Variants in CDH13 observed in about 807,000 individuals in gnomAD.
CDH13 encodes cadherin 13.
A neutral mutation model predicts 63.8 loss-of-function variants in CDH13; 24 were observed. The ratio of observed to expected loss-of-function variants is 0.38; its 90% CI spans 0.27 to 0.53. The LOEUF is 0.53. Among genes scored for constraint, CDH13 ranks in the 20% least tolerant of loss-of-function variants. CDH13 has a pLI of 0.85. For synonymous variants in CDH13, 503 were observed against 355.3 expected (o/e 1.42, Z -4.67); for missense variants, 1,049 against 903.1 (o/e 1.16, Z -2.07).
At chr16:83,128,447 C>G (rs1057499852) in intron 4 of CDH13, among the ~76,000 whole-genome samples, 13 of 152,214 alleles carry the variant, frequency 8.5e-5, no homozygotes, top group African/African-American at 2.9e-4. Flanking sequence ...CTCAAATTTA[C>G]AGAGGGCTGA....
chr16:82,864,324 G>T (rs901821139), intron 2 of CDH13, among the ~76,000 whole-genome samples: 5 of 152,154 alleles, frequency 3.3e-5, no homozygotes, highest in Admixed American at 3.3e-4. Flanking sequence ...ATGTTAGGAG[G>T]TGTATTAGCC....
chr16:82,940,726 G>A (rs927495437), intron 2 of CDH13, among the ~76,000 whole-genome samples: 2 of 152,112 alleles, frequency 1.3e-5, no homozygotes, highest in East Asian at 3.9e-4. Context: ...TGCTGTGTTG[G>A]CAGGCACATA....
At chr16:83,598,860 A>G (rs1396460373) in intron 7 of CDH13, among the ~76,000 whole-genome samples, 1 of 152,174 alleles carries the variant, frequency 6.6e-6, no homozygotes, top group Admixed American at 6.5e-5. Context: ...ACCACCTCCA[A>G]GTTTAACAGA....
At chr16:83,405,382 A>T (rs545764679) in intron 6 of CDH13, among the ~76,000 whole-genome samples, 6 of 152,312 alleles carry the variant, frequency 3.9e-5, no homozygotes, top group Admixed American at 3.9e-4. Flanking sequence ...AGTTAGTCTG[A>T]TACGCCCAAT....
chr16:82,873,302 A>G (rs1359613241), intron 2 of CDH13, among the ~76,000 whole-genome samples: 1 of 152,194 alleles, frequency 6.6e-6, no homozygotes, highest in African/African-American at 2.4e-5. Flanking sequence ...TATAAACTCT[A>G]TGTTATAGAT....
At chr16:82,703,285 C>T (rs1323388762) in intron 1 of CDH13, among the ~76,000 whole-genome samples, 1 of 151,998 alleles carries the variant, frequency 6.6e-6, no homozygotes, top group Non-Finnish European at 1.5e-5. Context: ...CTCTCAGTGC[C>T]CTACTTATGT....
chr16:82,884,758 C>G (rs1036532690), intron 2 of CDH13, among the ~76,000 whole-genome samples: 18 of 152,288 alleles, frequency 1.2e-4, no homozygotes, highest in African/African-American at 4.1e-4. Flanking sequence ...ACTTTGTTTT[C>G]TCAGATTTTT....
chr16:82,670,221 C>G (rs781540572), intron 1 of CDH13, among the ~76,000 whole-genome samples: 32 of 152,214 alleles, frequency 2.1e-4, no homozygotes, highest in Non-Finnish European at 1.8e-4. Flanking sequence ...TGATGTCATG[C>G]TGAATTGCAA....
At chr16:83,700,547 T>A (rs1019911354) in intron 10 of CDH13, among the ~76,000 whole-genome samples, 1 of 152,214 alleles carries the variant, frequency 6.6e-6, no homozygotes, top group Admixed American at 6.5e-5. Flanking sequence ...TGGGGAATGA[T>A]CAGAGAATGG....
chr16:83,632,938 T>C (rs941572020), intron 8 of CDH13, among the ~76,000 whole-genome samples: 3 of 151,590 alleles, frequency 2.0e-5, no homozygotes, highest in Non-Finnish European at 4.4e-5. Context: ...TTTTAGACCA[T>C]ATAGGTAACT....
intron 10 of CDH13, among the ~76,000 whole-genome samples, chr16:83,732,559 T>C (rs1193861565): frequency 6.6e-6 from 1 of 152,190 alleles, no homozygotes; most frequent in East Asian, 1.9e-4. Context: ...GTAGTAGGGT[T>C]CTGTTTCTAC....
In CDH13 at chr16:83,032,099, G is replaced by T; in HGVS notation, c.247G>T (p.Ala83Ser). ...GGTGAACAGCGATGGCGGCTTAGTT[G>T]CTCTGAGAAACATAACTGCAGTGGG... ...FKVNSDGGLVALRNITAVGKT... is the reference protein window; with the variant it reads ...FKVNSDGGLVSLRNITAVGKT... The change falls in exon 3 of 14, where the codon GCT becomes TCT. Residue 83 changes from alanine to serine, a missense_variant. Physicochemically the swap from Ala to Ser is moderately conservative, Grantham distance 99. Coordinates refer to ENST00000567109, the MANE Select transcript of CDH13 (RefSeq NM_001257.5). 1 of 1,613,164 alleles carries T rather than the reference G, an allele frequency of 6.2e-7. No homozygotes were observed. Among genetic ancestry groups the T allele is most frequent in the Non-Finnish European group, 8.5e-7 (1 of 1,179,606 alleles).
intron 5 of CDH13, among the ~76,000 whole-genome samples, chr16:83,310,383 G>A (rs774150997): frequency 1.3e-5 from 2 of 152,152 alleles, no homozygotes. Context: ...GTAAAGATCT[G>A]AAAATTCTGT....
At chr16:83,636,902 C>T (rs1193990476) in intron 8 of CDH13, among the ~76,000 whole-genome samples, 1 of 152,200 alleles carries the variant, frequency 6.6e-6, no homozygotes, top group African/African-American at 2.4e-5. Flanking sequence ...TCCCTTTTCT[C>T]CTAGTTCTAC....
intron 1 of CDH13, among the ~76,000 whole-genome samples, chr16:82,749,014 T>A (rs2034299828): frequency 6.6e-6 from 1 of 152,168 alleles, no homozygotes; most frequent in African/African-American, 2.4e-5. Context: ...TTAATTTGAA[T>A]GTTGCAGAGT....
At chr16:82,960,004 C>T (rs556172667) in intron 2 of CDH13, among the ~76,000 whole-genome samples, 2 of 152,202 alleles carry the variant, frequency 1.3e-5, no homozygotes, top group South Asian at 2.1e-4. Context: ...TTTTCCAGAG[C>T]GGCTATACCA....
At chr16:83,473,619 A>G (rs948358361) in intron 6 of CDH13, among the ~76,000 whole-genome samples, 1 of 152,170 alleles carries the variant, frequency 6.6e-6, no homozygotes, top group Non-Finnish European at 1.5e-5. Context: ...GACCTAGCCT[A>G]AAGATGCCCC....
intron 5 of CDH13, among the ~76,000 whole-genome samples, chr16:83,325,574 T>C (rs541439726): frequency 1.1e-4 from 16 of 152,172 alleles, no homozygotes; most frequent in Non-Finnish European, 1.8e-4. Context: ...TGAATGAGCA[T>C]AGCTTTATTT....
intron 4 of CDH13, among the ~76,000 whole-genome samples, chr16:83,150,151 C>A (rs1252571484): frequency 6.7e-6 from 1 of 150,370 alleles, no homozygotes; most frequent in African/African-American, 2.5e-5. Context: ...TCTTGCTGGA[C>A]TTTGTCTGTA....
Sources: gnomAD v4.1 joint callset for allele counts (sites outside exome capture counted in the v4.1 genomes callset) on GRCh38, gnomAD v4.1.1 for gene constraint, MANE v1.5 for transcripts, NCBI Gene and HGNC (gene_info 2026-07-23, HGNC 2026-07-21) for gene names.